CAST: variants seen among roughly 807,000 people sequenced by gnomAD.
CAST encodes calpastatin.
A neutral mutation model predicts 119.6 loss-of-function variants in CAST; 76 were observed. That is an observed-to-expected ratio of 0.64 (90% CI 0.53 to 0.77). The LOEUF is 0.77. Ranked by LOEUF, CAST falls within the 30% of genes least tolerant of loss-of-function variation. CAST has a pLI of 0.00. For missense variants in CAST, 953 were observed against 946.5 expected (o/e 1.01, Z -0.09); for synonymous variants, 319 against 331.6 (o/e 0.96, Z 0.41).
At chr5:96,516,334 G>A in the CAST span, among the ~76,000 whole-genome samples, 1 of 151,658 alleles carries the variant, frequency 6.6e-6, no homozygotes, top group African/African-American at 2.4e-5. Context: ...CCACACTCCT[G>A]AATAACGTGG....
the CAST span, among the ~76,000 whole-genome samples, chr5:96,333,745 G>A: frequency 1.3e-5 from 2 of 152,248 alleles, no homozygotes; most frequent in African/African-American, 4.8e-5. Flanking sequence ...ATTGCTCAGG[G>A]AGGCTCTGGA....
the CAST span, among the ~76,000 whole-genome samples, chr5:96,508,878 C>T: frequency 6.6e-6 from 1 of 152,204 alleles, no homozygotes; most frequent in Non-Finnish European, 1.5e-5. Context: ...GCCTTTGCTA[C>T]TTCCCAATCA....
chr5:96,626,892 G>T (rs1462669546), intron 1 of CAST, among the ~76,000 whole-genome samples: 5 of 152,126 alleles, frequency 3.3e-5, no homozygotes, highest in African/African-American at 1.2e-4. Flanking sequence ...TTTGACGGCA[G>T]GTTTATGATA....
chr5:96,130,610 C>T, the CAST span, among the ~76,000 whole-genome samples: 1 of 151,910 alleles, frequency 6.6e-6, no homozygotes, highest in African/African-American at 2.4e-5. Flanking sequence ...AAATCTAAAG[C>T]TGTGTTAAAA....
At chr5:96,160,716 CA>C in the CAST span, among the ~76,000 whole-genome samples, 3 of 152,182 alleles carry the variant, frequency 2.0e-5, no homozygotes, top group Non-Finnish European at 4.4e-5. Context: ...CAACATTTTA[CA>C]ATCCTAATAG....
intron 16 of CAST, chr5:96,743,791 A>T: frequency 2.5e-6 from 3 of 1,223,232 alleles, no homozygotes; most frequent in Non-Finnish European, 3.5e-6. Context: ...ACACAATGTG[A>T]GATATACATT....
intron 2 of CAST, among the ~76,000 whole-genome samples, chr5:96,683,265 A>G (rs1363335523): frequency 2.6e-5 from 4 of 152,128 alleles, no homozygotes; most frequent in African/African-American, 9.7e-5. Context: ...GTGCTTTTCA[A>G]TATAGTTCCA....
chr5:96,327,049 A>G, the CAST span, among the ~76,000 whole-genome samples: 2 of 152,202 alleles, frequency 1.3e-5, no homozygotes, highest in Non-Finnish European at 2.9e-5. Context: ...TATCATGGGC[A>G]AGGGGATGGT....
chr5:96,743,487 G>C (rs1396792019), intron 16 of CAST: 2 of 1,241,014 alleles, frequency 1.6e-6, no homozygotes, highest in African/African-American at 3.1e-5. Flanking sequence ...ACCTCCATCA[G>C]CTCAGGCTGG....
chr5:96,021,663 GTC>G, the CAST span, among the ~76,000 whole-genome samples: 38 of 152,052 alleles, frequency 2.5e-4, no homozygotes, highest in Admixed American at 1.4e-3. Flanking sequence ...AGCCAGGATG[GTC>G]TTTATCTCCT....
the CAST span, among the ~76,000 whole-genome samples, chr5:96,230,213 G>A: frequency 6.6e-6 from 1 of 152,102 alleles, no homozygotes; most frequent in African/African-American, 2.4e-5. Context: ...AGAAGCTGTT[G>A]GACCTGCATT....
At chr5:96,483,609 A>C in the CAST span, among the ~76,000 whole-genome samples, 1 of 152,218 alleles carries the variant, frequency 6.6e-6, no homozygotes, top group Middle Eastern at 3.4e-3. Flanking sequence ...GATGAGCTTC[A>C]TTGTAAGTTG....
the CAST span, among the ~76,000 whole-genome samples, chr5:96,228,315 C>T: frequency 6.6e-6 from 1 of 152,134 alleles, no homozygotes; most frequent in East Asian, 1.9e-4. Context: ...TTTTCTGTTA[C>T]TCATACCTCT....
At chr5:96,463,566 A>G in the CAST span, among the ~76,000 whole-genome samples, 1 of 151,986 alleles carries the variant, frequency 6.6e-6, no homozygotes, top group Non-Finnish European at 1.5e-5. Flanking sequence ...TTCTGAAAGT[A>G]TTTTCTTAAA....
chr5:96,094,270 G>A, the CAST span, among the ~76,000 whole-genome samples: 1 of 152,154 alleles, frequency 6.6e-6, no homozygotes, highest in Non-Finnish European at 1.5e-5. Flanking sequence ...TATGCCCAGT[G>A]AATTTCCAAA....
At chr5:96,737,968 T>TA (rs1300411962) in intron 11 of CAST, 21 bp downstream of exon 11, 1 of 1,334,216 alleles carries the variant, frequency 7.5e-7, no homozygotes, top group Non-Finnish European at 1.1e-6. Context: ...ATGATATCTG[T>TA]AAAAATTCAT....
intron 1 of CAST, among the ~76,000 whole-genome samples, chr5:96,644,092 A>G (rs1283811943): frequency 1.3e-5 from 2 of 152,166 alleles, no homozygotes; most frequent in African/African-American, 4.8e-5. Flanking sequence ...AGGTGATGAA[A>G]AGGTTCTAAA....
At chr5:96,010,033 C>T in the CAST span, among the ~76,000 whole-genome samples, 144 of 152,180 alleles carry the variant, frequency 9.5e-4, 1 homozygote, top group Middle Eastern at 0.01. Flanking sequence ...ATCCCGGCAC[C>T]GTTTATTGAA....
At chr5:96,456,994 C>T in the CAST span, among the ~76,000 whole-genome samples, 2 of 152,204 alleles carry the variant, frequency 1.3e-5, no homozygotes, top group African/African-American at 4.8e-5. Context: ...CTGAGGCCTT[C>T]CAAACCCTGT....
Sources: gnomAD v4.1 joint callset for allele counts (sites outside exome capture counted in the v4.1 genomes callset) on GRCh38, gnomAD v4.1.1 for gene constraint, MANE v1.5 for transcripts, NCBI Gene and HGNC (gene_info 2026-07-23, HGNC 2026-07-21) for gene names.